Variants in NLRP2 observed in about 807,000 individuals in gnomAD.
NLRP2 encodes the protein NACHT, LRR and PYD domains-containing protein 2.
NLRP2 carries 107 observed loss-of-function variants against 97.2 expected under a neutral mutation model. That is an observed-to-expected ratio of 1.10 (90% CI 0.94 to 1.29). The LOEUF (loss-of-function observed/expected upper bound fraction) is 1.29. Ranked by LOEUF, NLRP2 falls within the 50% of genes most tolerant of loss-of-function variation. NLRP2 has a pLI of 0.00. For synonymous variants in NLRP2, 663 were observed against 551.5 expected, an observed-to-expected ratio of 1.20 and a Z score of -2.83; for missense variants, 1,495 against 1,330.3, an observed-to-expected ratio of 1.12 and a Z score of -1.93.
At chr19:54,984,257 G>C (rs1262699920) in intron 6 of NLRP2, among the ~76,000 whole-genome samples, 1 of 149,944 alleles carries the variant, frequency 6.7e-6, no homozygotes, top group Non-Finnish European at 1.5e-5. Context: ...TGATGTTCCT[G>C]AGTACCTGGG....
At chr19:54,966,645 A>C (rs1418436107) in intron 1 of NLRP2, among the ~76,000 whole-genome samples, 178 bp downstream of exon 1, 2 of 151,998 alleles carry the variant, frequency 1.3e-5, no homozygotes, top group East Asian at 3.9e-4. Flanking sequence ...TCCCGGGTTC[A>C]GGCCATTCTC....
At chr19:55,000,249 C>T (rs893242202) in intron 12 of NLRP2, among the ~76,000 whole-genome samples, 2 of 126,302 alleles carry the variant, frequency 1.6e-5, no homozygotes, top group African/African-American at 6.1e-5. Flanking sequence ...TGCACTCCAG[C>T]TTGGGCAACA....
At chr19:54,971,822 GAAC>G (rs2070872129) in intron 2 of NLRP2, among the ~76,000 whole-genome samples, 1 of 151,646 alleles carries the variant, frequency 6.6e-6, no homozygotes, top group Non-Finnish European at 1.5e-5. Context: ...AAATGCACAT[GAAC>G]TATGGTTATT....
chr19:54,979,065 A>G (rs539463160), intron 4 of NLRP2, among the ~76,000 whole-genome samples: 8 of 151,594 alleles, frequency 5.3e-5, no homozygotes, highest in African/African-American at 1.5e-4. Context: ...GCTCACTGCA[A>G]TCTCTGCCTC....
chr19:54,978,340 T>A (rs1182546405), intron 4 of NLRP2, among the ~76,000 whole-genome samples: 1 of 151,798 alleles, frequency 6.6e-6, no homozygotes, highest in African/African-American at 2.4e-5. Context: ...ATTCAAGTGA[T>A]TGTCCTGTCT....
In NLRP2 at chr19:54,982,971, C is replaced by A; in HGVS notation, c.1273C>A (p.Arg425Ser). Residue 425 changes from arginine to serine, a missense_variant, in exon 6 of 13, where the codon CGC becomes AGC. Transcript: ENST00000448584. ...GGACCCGGTCCCCACCTGCCTCACC[C>A]GCACGGGGCTGTTCCTGCGTTTCCT... is the stretch of plus-strand genomic sequence containing the variant. The part of the protein sequence containing the change: ...GEDPVPTCLT[R>S]TGLFLRFLCS... The A allele has an allele frequency of 6.2e-7, 1 of 1,611,436 alleles. No homozygotes were observed. Among genetic ancestry groups the A allele is most frequent in the South Asian group, 1.1e-5 (1 of 90,930 alleles).
chr19:54,992,215 A>C (rs1428655983), intron 10 of NLRP2, among the ~76,000 whole-genome samples: 2 of 152,014 alleles, frequency 1.3e-5, no homozygotes, highest in African/African-American at 4.8e-5. Flanking sequence ...GTCCAGCCAT[A>C]CATATCTCTG....
At chr19:54,978,756 A>G (rs543678844) in intron 4 of NLRP2, among the ~76,000 whole-genome samples, 2 of 151,156 alleles carry the variant, frequency 1.3e-5, no homozygotes, top group East Asian at 4.1e-4. Flanking sequence ...CTGAGGCAGG[A>G]GAATCGCTTG....
At chr19:54,966,825 CTTTTTTTT>C (rs1044701142) in intron 1 of NLRP2, among the ~76,000 whole-genome samples, 20 of 74,986 alleles carry the variant, frequency 2.7e-4, no homozygotes, top group Non-Finnish European at 4.8e-4. Flanking sequence ...CGCGCCCAGC[CTTTTTTTT>C]TTTTTTTTTT....
chr19:55,000,943 G>C lies in NLRP2; in HGVS notation c.*45G>C. 6.2e-7 allele frequency: 1 copy of C among 1,603,366 alleles called. No homozygotes were observed. Among genetic ancestry groups the C allele is most frequent in the Non-Finnish European group, 8.5e-7 (1 of 1,171,456 alleles). ...TCTCCATGAAGTCATCGATTTTCCA[G>C]GTGTTGGTGAACTGCCTGTGACTCC... On this transcript the variant is annotated 3_prime_UTR_variant, in exon 13 of 13. Coordinates refer to ENST00000448584, the MANE Select transcript of NLRP2 (RefSeq NM_017852.5).
In NLRP2 at chr19:54,969,016, C is replaced by CAT. The variant is rs1249943614; in HGVS notation, c.-17-980_-17-979dup. Among the ~76,000 whole-genome samples, 3 of 152,116 alleles carry CAT rather than the reference C, an allele frequency of 2.0e-5. No individual in the cohort carries two copies. In the East Asian group the frequency reaches 5.8e-4, roughly 29 times the overall value. ...GCGCCCGGCTGTGTGTTTGCATTAT[C>CAT]ATATTCAGCCCAGTTTTCACGAAGT... On this transcript the variant is annotated intron_variant, in intron 1 of 12. Coordinates refer to ENST00000448584, the MANE Select transcript of NLRP2 (RefSeq NM_017852.5).
chr19:54,986,040 A>G, intron 7 of NLRP2, 111 bp from the exon 8 acceptor site: 3 of 790,490 alleles, frequency 3.8e-6, no homozygotes, highest in Non-Finnish European at 6.5e-6. Flanking sequence ...CAAAAATTTA[A>G]ACATGGAAAA....
At chr19:54,990,810 C>CT in intron 10 of NLRP2, 138 bp downstream of exon 10, 1 of 846,322 alleles carries the variant, frequency 1.2e-6, no homozygotes, top group East Asian at 2.6e-5. Flanking sequence ...CTGGTAAGAC[C>CT]TGGGTAGATG....
chr19:54,967,504 C>T (rs940126587), intron 1 of NLRP2, among the ~76,000 whole-genome samples: 1 of 151,962 alleles, frequency 6.6e-6, no homozygotes, highest in East Asian at 1.9e-4. Flanking sequence ...AAATAAAATT[C>T]AGTGGTTCTG....
rs1449589750 is a variant in NLRP2 at position 54,994,860 on chromosome 19, C to T, written c.2879+421C>T. Among the ~76,000 whole-genome samples, 3 of 151,698 alleles carry T rather than the reference C, an allele frequency of 2.0e-5. 1 individual carries two copies. In the South Asian group the frequency reaches 6.3e-4, roughly 32 times the overall value. On this transcript the variant is annotated intron_variant, in intron 11 of 12. Coordinates refer to ENST00000448584, the MANE Select transcript of NLRP2 (RefSeq NM_017852.5). ...CTGACCTCAGGTGATCCGCCCATCT[C>T]GGCCTCCCAAAGTGCTGGGATTACA...
rs201116868 is a variant in NLRP2 at position 54,983,405 on chromosome 19, G to A, written c.1707G>A (p.Leu569=). ...GLANEKRAKE[L]EATFGCRMSP... The stretch of plus-strand genomic sequence containing the variant: ...CTAACGAGAAGAGAGCCAAGGAGTT[G>A]GAGGCCACTTTTGGCTGCCGGATGT... The change falls in exon 6 of 13, where the codon TTG becomes TTA. Residue 569 remains leucine (L), a synonymous_variant. Transcript: ENST00000448584. 6.2e-7 allele frequency: 1 copy of A among 1,614,204 alleles called. No individual in the cohort carries two copies. The highest frequency in any genetic ancestry group is 1.3e-5 in the African/African-American group (1 of 75,074).
At chr19:54,971,697 T>C (rs1293250931) in intron 2 of NLRP2, among the ~76,000 whole-genome samples, 1 of 152,228 alleles carries the variant, frequency 6.6e-6, no homozygotes, top group Non-Finnish European at 1.5e-5. Flanking sequence ...AATTATTTTC[T>C]ACCTATTTCT....
At position 54,997,394 on chromosome 19, in the gene NLRP2, C is replaced by T. The variant is rs2072892115; in HGVS notation, c.2957C>T (p.Thr986Ile). 1.9e-6 allele frequency: 3 copies of T among 1,614,098 alleles called. No individual in the cohort carries two copies. The Admixed American group carries it at 5.0e-5, about 27-fold the overall frequency. The change falls in exon 12 of 13, where the codon ACT (threonine) becomes ATT (isoleucine). Residue 986 changes from threonine to isoleucine, a missense_variant. By Grantham distance (89) the Thr-to-Ile change is moderately conservative. Transcript: ENST00000448584. ...SALSCNQSLV[T>I]LDLGQNPLGS... ...CTCAGCTGCAACCAGAGCCTCGTCA[C>T]TCTGGACCTGGGTCAGAATCCCTTG...
At chr19:54,991,080 G>A in intron 10 of NLRP2, 1 of 215,956 alleles carries the variant, frequency 4.6e-6, no homozygotes, top group South Asian at 8.7e-5. Context: ...TGTGTTCTTA[G>A]AACTATAACT....
Sources: allele counts gnomAD v4.1 joint callset (sites outside exome capture counted in the v4.1 genomes callset), GRCh38; gene constraint gnomAD v4.1.1; transcripts MANE v1.5; gene names NCBI Gene and HGNC (gene_info 2026-07-23, HGNC 2026-07-21).